Variants in ABCA2 observed in about 807,000 individuals in gnomAD.
ABCA2 encodes ATP binding cassette subfamily A member 2, also known as ATP-binding cassette sub-family A member 2.
A neutral mutation model predicts 262.8 loss-of-function variants in ABCA2; 84 were observed. The ratio of observed to expected loss-of-function variants is 0.32; its 90% CI spans 0.27 to 0.38. ABCA2 has a LOEUF of 0.38. Ranked by LOEUF, ABCA2 falls within the 10% of genes least tolerant of loss-of-function variation. ABCA2 has a pLI of 1.00. For missense variants in ABCA2, 2,662 were observed against 3,405.9 expected, an observed-to-expected ratio of 0.78 and a Z score of 5.44; for synonymous variants, 1,696 against 1,502.9, an observed-to-expected ratio of 1.13 and a Z score of -2.97.
Position 137,011,514 on chromosome 9 carries a change from A to G in ABCA2, c.5692T>C (p.Phe1898Leu). The G allele has an allele frequency of 6.3e-7, 1 of 1,596,376 alleles. No individual in the cohort carries two copies. The highest frequency in any genetic ancestry group is 1.7e-4 in the Middle Eastern group (1 of 6,040). Residue 1898 changes from phenylalanine to leucine, a missense_variant, in exon 37 of 49, where the codon TTC becomes CTC. This residue lies in a region of ABCA2 where 602 missense variants were observed against 897.4 expected (regional missense o/e 0.67). Transcript: ENST00000341511. This position sits in a 1 kb window ranked among gnomAD's most constrained non-coding sequence, Gnocchi z 8.8. ...ACGTAGGCGGAGCTGGGGACCTCGA[A>G]CCAGAAGGAGGCCGGGTACATGATG... ...TPIMYPASFWFEVPSSAYVFL... is the reference protein window; with the variant it reads ...TPIMYPASFWLEVPSSAYVFL...
At chr9:137,012,433 G>C (rs1186819502) in intron 32 of ABCA2, 52 bp downstream of exon 32, 1 of 1,608,768 alleles carries the variant, frequency 6.2e-7, no homozygotes, top group African/African-American at 1.3e-5. Context: ...GGTCCCTGCA[G>C]ACCTCGGGCG....
At chr9:137,022,506 A>G (rs1040458681) in intron 5 of ABCA2, 28 bp from the exon 6 acceptor site, 8 of 1,605,996 alleles carry the variant, frequency 5.0e-6, no homozygotes, top group Non-Finnish European at 6.8e-6. Flanking sequence ...CGAGGCTGAG[A>G]GGCCGCTGCA....
chr9:137,021,723 C>T lies in ABCA2; in HGVS notation c.679-113G>A. On this transcript the variant is annotated intron_variant, in intron 7 of 48. Transcript: ENST00000341511. This position sits in a 1 kb window ranked among gnomAD's most constrained non-coding sequence, Gnocchi z 6.0. ...TGGCTGGCTCTGGGGCTGCCTGGGT[C>T]CCACGACATGCCTCTACCCCTCATG... is the stretch of plus-strand genomic sequence containing the variant. The T allele has an allele frequency of 7.8e-7, 1 of 1,283,720 alleles. No homozygotes were observed. The highest frequency in any genetic ancestry group is 1.4e-5 in the South Asian group (1 of 72,354). The allele number at this position is 1,283,720 out of a possible 1,614,324, so 79.5% of individuals were successfully genotyped here.
chr9:137,015,552 G>A lies in ABCA2; in HGVS notation c.3559C>T (p.Leu1187=). 6.2e-7 allele frequency: 1 copy of A among 1,612,566 alleles called. No homozygotes were observed. The highest frequency in any genetic ancestry group is 8.5e-7 in the Non-Finnish European group (1 of 1,179,838). Residue 1187 remains leucine (L), a synonymous_variant, in exon 24 of 49, where the codon CTG becomes TTG. Transcript: ENST00000341511. ...ATGATGGCAATGCGGTCCCCAAGCA[G>A]GTCAGCCTCATCCATGTGGTGGGTG... ...LSTHHMDEAD[L]LGDRIAIISH... is the part of the protein sequence containing the mutation.
Position 137,013,531 on chromosome 9 carries a change from G to C in ABCA2, c.4480C>G (p.Gln1494Glu). The change falls in exon 29 of 49, where the codon CAG (glutamine) becomes GAG (glutamate). Residue 1494 changes from glutamine (Q) to glutamate (E), a missense_variant. Gln to Glu is a conservative substitution (Grantham distance 29). Coordinates refer to ENST00000341511, the MANE Select transcript of ABCA2 (RefSeq NM_001606.5). ...DLPPLVLSPS[Q>E]YHNYTQPRGN... Reference sequence around the variant, plus strand: ...CGGGGCTGGGTGTAGTTGTGGTACTGGGAAGGTGACAGGACCAGCGGGGGC... The same window carrying C: ...CGGGGCTGGGTGTAGTTGTGGTACTCGGAAGGTGACAGGACCAGCGGGGGC... The C allele has an allele frequency of 6.2e-7, 1 of 1,610,242 alleles. No individual in the cohort carries two copies.
chr9:137,025,324 G>C (rs1479442414), intron 1 of ABCA2, among the ~76,000 whole-genome samples: 2 of 152,208 alleles, frequency 1.3e-5, no homozygotes, highest in Admixed American at 6.5e-5. Flanking sequence ...ACCCTCCAGA[G>C]AGCCCTCGGC....
At chr9:137,028,872 T>C (rs142807525), upstream of ABCA2, 2,993 of 1,328,010 alleles carry the variant, frequency 2.3e-3, 82 homozygotes, top group African/African-American at 0.042. The surrounding 1 kb of genome is among the most constrained non-coding windows in gnomAD (Gnocchi z 6.9). Context: ...TTTCTCCCCA[T>C]ATTCGGGCGA....
At position 137,022,019 on chromosome 9, in the gene ABCA2, A is replaced by ATGGCTCAGATGGGGGGG. The variant is rs56366523; in HGVS notation, c.568-19_568-18insCCCCCCCATCTGAGCCA. On this transcript the variant is annotated intron_variant, in intron 6 of 48. Coordinates refer to ENST00000341511, the MANE Select transcript of ABCA2 (RefSeq NM_001606.5). ...TGGTAGACCTAGGAGGTGTGGGGGA[A>ATGGCTCAGATGGGGGGG]TGGCTCAGATGGGGTGTGGGGGGCG... is the stretch of plus-strand genomic sequence containing the variant. The ATGGCTCAGATGGGGGGG allele has an allele frequency of 1.1e-5, 15 of 1,327,934 alleles. 1 individual carries two copies. Among genetic ancestry groups the ATGGCTCAGATGGGGGGG allele is most frequent in the Admixed American group, 2.2e-5 (1 of 45,464 alleles). The allele number at this position is 1,327,934 out of a possible 1,614,324, so 82.3% of individuals were successfully genotyped here.
At position 137,008,443 on chromosome 9, in the gene ABCA2, C is replaced by G. The variant is rs1305149976; in HGVS notation, c.7248G>C (p.Glu2416Asp). Residue 2416 changes from glutamate (E) to aspartate (D), a missense_variant, in exon 48 of 49, where the codon GAG becomes GAC. Glu to Asp is a conservative substitution (Grantham distance 45). Around this residue, in one of 12 missense-constraint regions of ABCA2, gnomAD observed 212 missense variants for 214.4 expected, o/e 0.99. Coordinates refer to ENST00000341511, the MANE Select transcript of ABCA2 (RefSeq NM_001606.5). ...DEPEDLDTED[E>D]GLISFEEERA... ...GCTCCTCCTCGAAGCTGATGAGGCC[C>G]TCGTCCTCCGTGTCCAGGTCCTCGG... The G allele has an allele frequency of 1.3e-6, 2 of 1,554,154 alleles. No individual in the cohort carries two copies. Among genetic ancestry groups the G allele is most frequent in the Admixed American group, 3.9e-5 (2 of 51,414 alleles).
At chr9:137,020,035 C>T (rs1831396649) in intron 10 of ABCA2, 1 of 345,576 alleles carries the variant, frequency 2.9e-6, no homozygotes, top group African/African-American at 2.2e-5. Context: ...GCCCACGAGA[C>T]ACTCTGGAAG....
intron 46 of ABCA2, 32 bp from the exon 47 acceptor site, chr9:137,008,900 G>GCCCCCCCCCCCCCCGGGCCCCC: frequency 6.4e-7 from 1 of 1,555,278 alleles, no homozygotes; most frequent in Non-Finnish European, 8.7e-7. Context: ...GCCTGGCAGC[G>GCCCCCCCCCCCCCCGGGCCCCC]CCCCCCCACC....
At position 137,014,768 on chromosome 9, in the gene ABCA2, C is replaced by A; in HGVS notation, c.3925G>T (p.Gly1309Trp). ...TCCTCCAGGGTCGTGTCCATCAGCC[C>A]GAAGCTGCTGAGGTGCAGTGCATCC... ...SLDALHLSSF[G>W]LMDTTLEEVF... is the part of the protein sequence containing the mutation. The change falls in exon 26 of 49, where the codon GGG (glycine) becomes TGG (tryptophan). Residue 1309 changes from glycine (G) to tryptophan (W), a missense_variant. Gly to Trp is a radical substitution (Grantham distance 184). Around this residue, in one of 12 missense-constraint regions of ABCA2, gnomAD observed 297 missense variants for 286.5 expected, o/e 1.04. Coordinates refer to ENST00000341511, the MANE Select transcript of ABCA2 (RefSeq NM_001606.5). The A allele has an allele frequency of 6.2e-7, 1 of 1,600,290 alleles. No individual in the cohort carries two copies. The highest frequency in any genetic ancestry group is 2.2e-5 in the East Asian group (1 of 44,460).
At position 137,012,012 on chromosome 9, in the gene ABCA2, C is replaced by T. The variant is rs532030829; in HGVS notation, c.5367G>A (p.Gln1789=). 134 of 1,612,306 alleles carry T rather than the reference C, an allele frequency of 8.3e-5. 3 individuals carry two copies. In the East Asian group the frequency reaches 2.9e-3, roughly 35 times the overall value. ...AGATGGCGATGACGACATCCGTGCC[C>T]TGCAGCCTGGGGCAAGGAAGCCCTC... The part of the protein sequence containing the change: ...SASLSLDYLL[Q]GTDVVIAIFI... The change falls in exon 35 of 49, where the codon CAG becomes CAA. Residue 1789 remains glutamine (Q), a synonymous_variant. Transcript: ENST00000341511.
In ABCA2 at chr9:137,011,759, T is replaced by G. The variant is rs1485011605; in HGVS notation, c.5536-10A>C. The G allele has an allele frequency of 2.3e-5, 31 of 1,327,048 alleles. No individual in the cohort carries two copies. The highest frequency in any genetic ancestry group is 3.3e-5 in the African/African-American group (2 of 60,586). 82.2% of individuals were successfully genotyped at this position (1,327,048 alleles called of 1,614,324 possible). On this transcript the variant is annotated splice_polypyrimidine_tract_variant and intron_variant, in intron 35 of 48. Coordinates refer to ENST00000341511, the MANE Select transcript of ABCA2 (RefSeq NM_001606.5). This position sits in a 1 kb window ranked among gnomAD's most constrained non-coding sequence, Gnocchi z 8.8. ...GGACCAGGTAGTTGAGCTGCAGGGGTGGGGGCGGCTGGTGAGAGACCCGGG... is the reference window on the plus strand; with the variant it reads ...GGACCAGGTAGTTGAGCTGCAGGGGGGGGGGCGGCTGGTGAGAGACCCGGG...
At position 137,013,338 on chromosome 9, in the gene ABCA2, G is replaced by C. The variant is rs1434687097; in HGVS notation, c.4551-20C>G. The C allele has an allele frequency of 6.5e-7, 1 of 1,535,908 alleles. No individual in the cohort carries two copies. The highest frequency in any genetic ancestry group is 8.7e-7 in the Non-Finnish European group (1 of 1,147,484). ...CGCAGCCTGCGGGCACCGACAGTGT[G>C]AGGTGGGGCTGCCAGTCTCCGCCCC... On this transcript the variant is annotated intron_variant, in intron 29 of 48. Coordinates refer to ENST00000341511, the MANE Select transcript of ABCA2 (RefSeq NM_001606.5).
chr9:137,011,983 A>C lies in ABCA2; in HGVS notation c.5396T>G (p.Ile1799Ser), dbSNP rs781670867. 1.2e-6 allele frequency: 2 copies of C among 1,612,520 alleles called. No homozygotes were observed. Among genetic ancestry groups the C allele is most frequent in the Non-Finnish European group, 1.7e-6 (2 of 1,179,944 alleles). Reference protein sequence around the residue: ...QGTDVVIAIFIIVAMSFVPAS... With the variant: ...QGTDVVIAIFSIVAMSFVPAS... ...CGGCACGAAGGACATGGCCACGATG[A>C]TGAAGATGGCGATGACGACATCCGT... Residue 1799 changes from isoleucine (I) to serine (S), a missense_variant, in exon 35 of 49, where the codon ATC becomes AGC. Ile to Ser is a moderately radical substitution (Grantham distance 142). Transcript: ENST00000341511. This position sits in a 1 kb window ranked among gnomAD's most constrained non-coding sequence, Gnocchi z 8.8.
Position 137,013,952 on chromosome 9 carries a change from G to A in ABCA2, c.4327C>T (p.Leu1443=). The change falls in exon 28 of 49, where the codon CTG becomes TTG. Residue 1443 remains leucine, a synonymous_variant. Transcript: ENST00000341511. Reference sequence around the variant, plus strand: ...GCGCAGTGGAAGCGTTTGACCAGCAGCCCGTGGAACTGGCGCACCTTCAGC... The same window carrying A: ...GCGCAGTGGAAGCGTTTGACCAGCAACCCGTGGAACTGGCGCACCTTCAGC... ...GWLKVRQFHG[L]LVKRFHCARR... 3 of 1,612,188 alleles carry A rather than the reference G, an allele frequency of 1.9e-6. No homozygotes were observed. The highest frequency in any genetic ancestry group is 2.5e-6 in the Non-Finnish European group (3 of 1,179,866).
upstream of ABCA2, chr9:137,028,874 T>G (rs758748668): frequency 7.5e-7 from 1 of 1,328,520 alleles, no homozygotes; most frequent in South Asian, 1.2e-5. This position sits in a 1 kb window ranked among gnomAD's most constrained non-coding sequence, Gnocchi z 6.9. Context: ...TCTCCCCATA[T>G]TCGGGCGAGT....
intron 14 of ABCA2, 23 bp downstream of exon 14, chr9:137,018,155 G>A (rs373158201): frequency 8.7e-6 from 14 of 1,610,504 alleles, no homozygotes; most frequent in African/African-American, 5.3e-5. Context: ...TCCTCCAGCC[G>A]GTCTTCCGGG....
Sources: gnomAD v4.1 joint callset for allele counts (sites outside exome capture counted in the v4.1 genomes callset) on GRCh38, gnomAD v4.1.1 for gene constraint, gnomAD v4.1.1 regional missense constraint, Gnocchi (gnomAD v3.1) non-coding constraint, MANE v1.5 for transcripts, NCBI Gene and HGNC (gene_info 2026-07-23, HGNC 2026-07-21) for gene names.